The following ASCC2 variants were observed in gnomAD, a reference collection of about 807,000 sequenced individuals.
ASCC2 encodes the protein ASC-1 complex subunit P100.
In ASCC2, 42 loss-of-function variants were observed where a neutral mutation model predicts 93.5. The observed-to-expected ratio is 0.45, with a 90% confidence interval of 0.35 to 0.58. The LOEUF is 0.58. ASCC2 is among the 20% of genes least tolerant of loss of function. ASCC2 has a pLI of 0.00. For missense variants in ASCC2, 859 were observed against 977.6 expected, an observed-to-expected ratio of 0.88 and a Z score of 1.62; for synonymous variants, 364 against 384.2, an observed-to-expected ratio of 0.95 and a Z score of 0.62.
At chr22:29,797,475 G>C (rs997716723) in intron 15 of ASCC2, among the ~76,000 whole-genome samples, 1 of 152,162 alleles carries the variant, frequency 6.6e-6, no homozygotes, top group Non-Finnish European at 1.5e-5. Context: ...GCTACTAAGA[G>C]CAAAGCCAGG....
At chr22:29,833,736 G>A (rs775072461) in intron 1 of ASCC2, 33 of 403,368 alleles carry the variant, frequency 8.2e-5, no homozygotes, top group Non-Finnish European at 1.5e-4. Context: ...AGAGACAGAG[G>A]CTGGGGTGAT....
At position 29,820,909 on chromosome 22, in the gene ASCC2, T is replaced by C. The variant is rs1257892632; in HGVS notation, c.541+1426A>G. ...CAACAAGAGCGAAACTCCATCTCAATACACAAAAAAAAAAAAAAAAAAAGG... is the reference window on the plus strand; with the variant it reads ...CAACAAGAGCGAAACTCCATCTCAACACACAAAAAAAAAAAAAAAAAAAGG... On this transcript the variant is annotated intron_variant, in intron 5 of 19. Transcript: ENST00000307790. Among the ~76,000 whole-genome samples, 4 of 42,260 alleles carry C rather than the reference T, an allele frequency of 9.5e-5. No individual in the cohort carries two copies. In the Admixed American group the frequency reaches 1.0e-3, roughly 11 times the overall value. 27.7% of individuals were successfully genotyped at this position (42,260 alleles called of 152,430 possible).
intron 18 of ASCC2, 101 bp from the exon 19 acceptor site, chr22:29,790,649 G>A: frequency 8.2e-7 from 1 of 1,216,924 alleles, no homozygotes; most frequent in Non-Finnish European, 1.2e-6. Context: ...ATGCCTCCAT[G>A]CCAGGTGTGG....
At chr22:29,802,262 G>T in intron 13 of ASCC2, 54 bp from the exon 14 acceptor site, 1 of 1,558,124 alleles carries the variant, frequency 6.4e-7, no homozygotes, top group Non-Finnish European at 8.8e-7. Flanking sequence ...CGGTGATAGG[G>T]CCACAGGCCC....
chr22:29,796,703 G>C (rs73392888), intron 15 of ASCC2, among the ~76,000 whole-genome samples: 12,917 of 152,206 alleles, frequency 0.085, 632 homozygotes, highest in African/African-American at 0.11. Context: ...AAAAGAGGTA[G>C]AGAGGAAGAA....
intron 15 of ASCC2, among the ~76,000 whole-genome samples, chr22:29,795,475 A>G (rs2058318593): frequency 6.6e-6 from 1 of 152,300 alleles, no homozygotes; most frequent in South Asian, 2.1e-4. Flanking sequence ...GTAAGGCCAC[A>G]TGTGGCTTTC....
intron 15 of ASCC2, among the ~76,000 whole-genome samples, chr22:29,798,367 AGGAGAGACACAG>A (rs2058685716): frequency 6.6e-6 from 1 of 152,148 alleles, no homozygotes; most frequent in Non-Finnish European, 1.5e-5. Context: ...CCTAGGCTCT[AGGAGAGACACAG>A]GAAGACCTGG....
At chr22:29,832,496 T>G in intron 1 of ASCC2, 154 bp from the exon 2 acceptor site, 1 of 557,694 alleles carries the variant, frequency 1.8e-6, no homozygotes, top group South Asian at 2.6e-5. Context: ...ATGCACCTAC[T>G]AACCCAGCCA....
intron 7 of ASCC2, among the ~76,000 whole-genome samples, 188 bp downstream of exon 7, chr22:29,814,469 G>A (rs2060610285): frequency 1.3e-5 from 2 of 152,220 alleles, no homozygotes; most frequent in African/African-American, 4.8e-5. Flanking sequence ...AGAAATCCAA[G>A]CCAGCTGAAA....
intron 15 of ASCC2, among the ~76,000 whole-genome samples, chr22:29,794,492 AAAAT>A (rs1216266394): frequency 6.6e-6 from 1 of 152,078 alleles, no homozygotes; most frequent in African/African-American, 2.4e-5. Context: ...ACTCCATCTC[AAAAT>A]AAATAAATAA....
chr22:29,817,509 C>T (rs1316278304), intron 5 of ASCC2, among the ~76,000 whole-genome samples: 1 of 152,044 alleles, frequency 6.6e-6, no homozygotes, highest in African/African-American at 2.4e-5. Context: ...GAGCTAACTC[C>T]ACCATAAGGC....
At chr22:29,809,784 A>AT (rs1380500629) in intron 8 of ASCC2, 1 of 152,068 alleles carries the variant, frequency 6.6e-6, no homozygotes, top group African/African-American at 2.4e-5. Flanking sequence ...CTCAAAAAAA[A>AT]ATTTAAAAAT....
intron 5 of ASCC2, among the ~76,000 whole-genome samples, chr22:29,817,824 A>T (rs1356693434): frequency 6.6e-6 from 1 of 152,186 alleles, no homozygotes; most frequent in East Asian, 1.9e-4. Flanking sequence ...AATGTAAGGA[A>T]TAGCAATGGC....
Position 29,812,476 on chromosome 22 carries a change from AG to A in ASCC2, c.833+953del, listed in dbSNP as rs1414428014. Among the ~76,000 whole-genome samples, 5 of 152,198 alleles carry A rather than the reference AG, an allele frequency of 3.3e-5. 1 individual carries two copies. The highest frequency in any genetic ancestry group is 7.3e-5 in the Non-Finnish European group (5 of 68,040). ...CTTTCATATCTGTCTCCCTCCCACC[AG>A]GATCTTTCTAACAGCTCCTTTGGAT... is the stretch of plus-strand genomic sequence containing the variant. On this transcript the variant is annotated intron_variant, in intron 8 of 19. Coordinates refer to ENST00000307790, the MANE Select transcript of ASCC2 (RefSeq NM_032204.5).
chr22:29,814,559 TG>T, intron 7 of ASCC2, 97 bp downstream of exon 7: 2 of 961,098 alleles, frequency 2.1e-6, no homozygotes, highest in Non-Finnish European at 3.0e-6. Context: ...AAGAGGCCAC[TG>T]GGTCCTCTAC....
At position 29,808,122 on chromosome 22, in the gene ASCC2, A is replaced by C; in HGVS notation, c.897T>G (p.Leu299=). Residue 299 remains leucine (L), a synonymous_variant, in exon 9 of 20, where the codon CTT becomes CTG. Coordinates refer to ENST00000307790, the MANE Select transcript of ASCC2 (RefSeq NM_032204.5). ...TGTCCCCGCCTCACTTGCTATCTTC[A>C]AGCCTCCTCTTCTTAATTGCAGACT... ...EMESAIKKRR[L]EDSKLLGDLW... 1 of 1,614,210 alleles carries C rather than the reference A, an allele frequency of 6.2e-7. No individual in the cohort carries two copies. The highest frequency in any genetic ancestry group is 8.5e-7 in the Non-Finnish European group (1 of 1,180,038).
Position 29,789,060 on chromosome 22 carries a change from T to G in ASCC2, c.2227A>C (p.Arg743=). 1 of 1,614,172 alleles carries G rather than the reference T, an allele frequency of 6.2e-7. No individual in the cohort carries two copies. Among genetic ancestry groups the G allele is most frequent in the South Asian group, 1.1e-5 (1 of 91,090 alleles). ...CTCCTCTTGCGGTCGGCCATGGTTC[T>G]CCGGTTGTGGTTGGCTCTTGTCGCC... ...NKATRANHNR[R]TMADRKRSKG... Residue 743 remains arginine, a synonymous_variant, in exon 20 of 20, where the codon AGA becomes CGA. Coordinates refer to ENST00000307790, the MANE Select transcript of ASCC2 (RefSeq NM_032204.5).
intron 15 of ASCC2, among the ~76,000 whole-genome samples, chr22:29,795,717 T>C (rs1322669594): frequency 3.3e-5 from 5 of 152,182 alleles, no homozygotes; most frequent in African/African-American, 1.2e-4. Context: ...GGGTCACAAG[T>C]GAGCTGCAGC....
rs756400617 is a variant in ASCC2 at position 29,825,521 on chromosome 22, T to C, written c.240+101A>G. On this transcript the variant is annotated intron_variant, in intron 3 of 19. Coordinates refer to ENST00000307790, the MANE Select transcript of ASCC2 (RefSeq NM_032204.5). This position sits in a 1 kb window ranked among gnomAD's most constrained non-coding sequence, Gnocchi z 4.9. ...GCTGTTAAGGATCCAGTGAAAGAAG[T>C]AGACAAAAAAGCACCTCCTAGGGGA... The C allele has an allele frequency of 1.3e-5, 19 of 1,516,120 alleles. No individual in the cohort carries two copies. The highest frequency in any genetic ancestry group is 4.6e-5 in the South Asian group (4 of 87,540). 93.9% of individuals were successfully genotyped at this position (1,516,120 alleles called of 1,614,324 possible).
Sources: allele counts gnomAD v4.1 joint callset (sites outside exome capture counted in the v4.1 genomes callset), GRCh38; gene constraint gnomAD v4.1.1; non-coding constraint Gnocchi (gnomAD v3.1); transcripts MANE v1.5; gene names NCBI Gene and HGNC (gene_info 2026-07-23, HGNC 2026-07-21).